Variants in GRID2 observed in about 807,000 individuals in gnomAD.
The protein encoded by GRID2 is glutamate receptor ionotropic, delta-2.
A neutral mutation model predicts 114.8 loss-of-function variants in GRID2; 33 were observed. The observed-to-expected ratio is 0.29, with a 90% CI of 0.22 to 0.38. The LOEUF (loss-of-function observed/expected upper bound fraction) is 0.38, where lower values mean the gene tolerates loss of function less well. Ranked by LOEUF, GRID2 falls within the 10% of genes least tolerant of loss-of-function variation. The pLI is 1.00. For synonymous variants in GRID2, 505 were observed against 449.9 expected (o/e 1.12, Z -1.55); for missense variants, 1,184 against 1,257.7 (o/e 0.94, Z 0.89).
chr4:93,119,726 C>G (rs1733608185), intron 4 of GRID2, among the ~76,000 whole-genome samples: 1 of 151,960 alleles, frequency 6.6e-6, no homozygotes. Flanking sequence ...AACAAAAAGG[C>G]AAAGTTACAT....
intron 10 of GRID2, among the ~76,000 whole-genome samples, chr4:93,431,948 T>C (rs1769456499): frequency 6.6e-6 from 1 of 152,214 alleles, no homozygotes; most frequent in Admixed American, 6.5e-5. Context: ...TGAGAATGTG[T>C]ATGTTAATAA....
chr4:93,708,562 G>T (rs80054008), intron 14 of GRID2, among the ~76,000 whole-genome samples: 6,399 of 151,852 alleles, frequency 0.042, 217 homozygotes, highest in African/African-American at 0.084. Context: ...TATCTCTATA[G>T]GCGAAGTGTG....
intron 4 of GRID2, among the ~76,000 whole-genome samples, chr4:93,180,142 G>A (rs1241967467): frequency 1.3e-5 from 2 of 151,938 alleles, no homozygotes; most frequent in Non-Finnish European, 2.9e-5. Flanking sequence ...AGTGTCACAT[G>A]CAACCCGTCA....
intron 4 of GRID2, among the ~76,000 whole-genome samples, chr4:93,177,434 T>G (rs1394637762): frequency 6.6e-6 from 1 of 152,130 alleles, no homozygotes; most frequent in African/African-American, 2.4e-5. Flanking sequence ...ATTTTATGGA[T>G]GCAGAAATGG....
intron 1 of GRID2, among the ~76,000 whole-genome samples, chr4:92,540,708 G>A (rs1294060798): frequency 1.3e-5 from 2 of 152,162 alleles, no homozygotes; most frequent in African/African-American, 4.8e-5. Context: ...CTATAAACTA[G>A]TTCAACCATT....
At chr4:93,395,821 T>C (rs1267806487) in intron 9 of GRID2, 113 bp downstream of exon 9, 1 of 522,662 alleles carries the variant, frequency 1.9e-6, no homozygotes, top group East Asian at 3.2e-5. Context: ...AAATTCTAAA[T>C]ACGCTTTCTA....
chr4:92,890,488 G>A (rs1746689232), intron 2 of GRID2, among the ~76,000 whole-genome samples: 1 of 152,038 alleles, frequency 6.6e-6, no homozygotes, highest in Non-Finnish European at 1.5e-5. Flanking sequence ...AGATATTTAT[G>A]TGGCCAAAAA....
intron 1 of GRID2, among the ~76,000 whole-genome samples, chr4:92,577,315 G>A (rs567567095): frequency 7.7e-4 from 117 of 152,278 alleles, no homozygotes; most frequent in Non-Finnish European, 1.4e-3. Flanking sequence ...GTCACTGGCT[G>A]TGGGTTTAGT....
At position 92,761,068 on chromosome 4, in the gene GRID2, T is replaced by C. The variant is rs551568022; in HGVS notation, c.244+170782T>C. 1.4e-4 allele frequency among the ~76,000 whole-genome samples: 21 copies of C among 152,294 alleles called. No individual in the cohort carries two copies. The South Asian group carries it at 4.3e-3, about 32-fold the overall frequency. On this transcript the variant is annotated intron_variant, in intron 2 of 15. Transcript: ENST00000282020. ...TGATTTACTGCCTATTTTAACTACA[T>C]TGTATCCTGGATCAATTGTTTTTTA...
intron 1 of GRID2, among the ~76,000 whole-genome samples, chr4:92,544,332 A>T (rs1164201048): frequency 6.6e-6 from 1 of 152,128 alleles, no homozygotes; most frequent in Non-Finnish European, 1.5e-5. Context: ...TTACTGAGGG[A>T]AATGGCTTTT....
At chr4:92,648,393 C>A (rs1406207351) in intron 2 of GRID2, among the ~76,000 whole-genome samples, 1 of 149,400 alleles carries the variant, frequency 6.7e-6, no homozygotes, top group Non-Finnish European at 1.5e-5. Flanking sequence ...AAAGTAGTTA[C>A]ATTTCTTGGA....
chr4:93,008,427 G>A (rs1209412844), intron 2 of GRID2, among the ~76,000 whole-genome samples: 1 of 152,048 alleles, frequency 6.6e-6, no homozygotes, highest in African/African-American at 2.4e-5. Context: ...AGTCTCCTTA[G>A]TTCAAATCCC....
chr4:92,553,314 G>C (rs530047873), intron 1 of GRID2, among the ~76,000 whole-genome samples: 1 of 152,060 alleles, frequency 6.6e-6, no homozygotes, highest in Non-Finnish European at 1.5e-5. Context: ...GGTATAATCT[G>C]TCTTTGATAG....
rs548832277 is a variant in GRID2 at position 92,471,921 on chromosome 4, T to C, written c.89-118210T>C. Among the ~76,000 whole-genome samples, 41 of 115,674 alleles carry C rather than the reference T, an allele frequency of 3.5e-4. No individual in the cohort carries two copies. In the East Asian group the frequency reaches 0.011, roughly 30 times the overall value. 75.9% of individuals were successfully genotyped at this position (115,674 alleles called of 152,430 possible). ...GCATACTTATTTGGGGATTTATCCA[T>C]ATTTCTTTTTTTTTTTTTTTTTTTT... is the stretch of plus-strand genomic sequence containing the variant. On this transcript the variant is annotated intron_variant, in intron 1 of 15. Transcript: ENST00000282020.
chr4:93,516,309 T>C (rs545872108), intron 13 of GRID2, among the ~76,000 whole-genome samples: 1 of 152,264 alleles, frequency 6.6e-6, no homozygotes, highest in East Asian at 1.9e-4. Context: ...ATAAAAATTA[T>C]TCTGTGACAG....
chr4:92,387,641 G>GC (rs1317855473), intron 1 of GRID2, among the ~76,000 whole-genome samples: 1 of 151,950 alleles, frequency 6.6e-6, no homozygotes, highest in Non-Finnish European at 1.5e-5. Context: ...AGGGAGGAAG[G>GC]AAGTGTAAGT....
intron 2 of GRID2, among the ~76,000 whole-genome samples, chr4:92,975,156 C>CAAAAAAAAAAAAAAAA (rs527770693): frequency 0.18 from 8,178 of 46,484 alleles, 2,184 homozygotes; most frequent in Non-Finnish European, 0.19. Flanking sequence ...GATTCCGCCT[C>CAAAAAAAAAAAAAAAA]AAAAAAAAAA....
chr4:92,894,805 A>G (rs1023258574), intron 2 of GRID2, among the ~76,000 whole-genome samples: 5 of 152,110 alleles, frequency 3.3e-5, no homozygotes, highest in Non-Finnish European at 7.4e-5. Flanking sequence ...TATGGTGGCC[A>G]TAAGCCTGTT....
At chr4:93,122,501 T>C (rs547120879) in intron 4 of GRID2, among the ~76,000 whole-genome samples, 19 of 152,280 alleles carry the variant, frequency 1.2e-4, no homozygotes, top group African/African-American at 4.3e-4. Flanking sequence ...GGAAAGGTTA[T>C]ACTGGTGAAT....
Sources: gnomAD v4.1 joint callset for allele counts (sites outside exome capture counted in the v4.1 genomes callset) on GRCh38, gnomAD v4.1.1 for gene constraint, MANE v1.5 for transcripts, NCBI Gene and HGNC (gene_info 2026-07-23, HGNC 2026-07-21) for gene names.